The following IDH3B variants were observed in gnomAD, a reference collection of about 807,000 sequenced individuals.
The protein encoded by IDH3B is isocitrate dehydrogenase (NAD(+)) 3 non-catalytic subunit beta.
A neutral mutation model predicts 47.5 loss-of-function variants in IDH3B; 40 were observed. The ratio of observed to expected loss-of-function variants is 0.84; its 90% CI spans 0.65 to 1.10. IDH3B has a LOEUF of 1.10. Ranked by LOEUF, IDH3B falls within the 50% of genes least tolerant of loss-of-function variation. The probability of loss-of-function intolerance (pLI) is 0.00; values close to 1 mark genes in which losing one functional copy is unlikely to be tolerated. For missense variants in IDH3B, 450 were observed against 505.2 expected, an observed-to-expected ratio of 0.89 and a Z score of 1.05; for synonymous variants, 185 against 191.0, an observed-to-expected ratio of 0.97 and a Z score of 0.26.
At chr20:2,658,967 T>A in intron 11 of IDH3B, 130 bp from the exon 12 acceptor site, 1 of 1,407,860 alleles carries the variant, frequency 7.1e-7, no homozygotes, top group Non-Finnish European at 9.3e-7. Context: ...TGCACAGGAA[T>A]GGAAGGAGGA....
intron 11 of IDH3B, 148 bp downstream of exon 11, chr20:2,659,375 TGA>T: frequency 6.4e-7 from 1 of 1,572,280 alleles, no homozygotes; most frequent in South Asian, 1.1e-5. Flanking sequence ...AGAACAGCCC[TGA>T]GAGGGATGCA....
At chr20:2,663,601 G>A (rs759860011) in intron 3 of IDH3B, 35 bp from the exon 4 acceptor site, 6 of 1,614,136 alleles carry the variant, frequency 3.7e-6, no homozygotes, top group Middle Eastern at 1.6e-4. Flanking sequence ...TCACAGTCAA[G>A]GCCAAGTCCT....
Position 2,660,032 on chromosome 20 carries a change from TC to T in IDH3B, c.912del (p.Thr305ArgfsTer15). 6.2e-7 allele frequency: 1 copy of T among 1,613,992 alleles called. No individual in the cohort carries two copies. Among genetic ancestry groups the T allele is most frequent in the Non-Finnish European group, 8.5e-7 (1 of 1,179,976 alleles). Reference sequence around the variant, plus strand: ...GCCGAGGGAGAAAGCAGCCTCACCGTCTCAAAGACTGCGTATTCTGCACTAT... The same window carrying T: ...GCCGAGGGAGAAAGCAGCCTCACCGTTCAAAGACTGCGTATTCTGCACTAT... ...ESYSAEYAVF[E>X]TGARHPFAQA... On this transcript the variant is annotated frameshift_variant, in exon 9 of 12. Coordinates refer to ENST00000380843, the MANE Select transcript of IDH3B (RefSeq NM_006899.5). LOFTEE classifies it high-confidence loss of function. This position sits in a 1 kb window ranked among gnomAD's most constrained non-coding sequence, Gnocchi z 5.6.
rs1477669578 is a variant in IDH3B at position 2,659,577 on chromosome 20, T to TG, written c.1018_1019insC (p.Tyr340SerfsTer44). The stretch of plus-strand genomic sequence containing the variant: ...CGCATCTGCGATCATGCTGGAGTGA[T>TG]ACTCAAGACTGTGGATATGGACAGG... On this transcript the variant is annotated frameshift_variant, in exon 11 of 12. Transcript: ENST00000380843. LOFTEE classifies it high-confidence loss of function. 19 of 1,614,102 alleles carry TG rather than the reference T, an allele frequency of 1.2e-5. No homozygotes were observed. Among genetic ancestry groups the TG allele is most frequent in the Non-Finnish European group, 1.5e-5 (18 of 1,180,022 alleles).
At position 2,659,555 on chromosome 20, in the gene IDH3B, A is replaced by G; in HGVS notation, c.1041T>C (p.Asp347=). 1.2e-6 allele frequency: 2 copies of G among 1,614,242 alleles called. No homozygotes were observed. Among genetic ancestry groups the G allele is most frequent in the African/African-American group, 1.3e-5 (1 of 75,072 alleles). Residue 347 remains aspartate, a synonymous_variant, in exon 11 of 12, where the codon GAT becomes GAC. Transcript: ENST00000380843. ...CAACTTTGATCACCTTCTTCACCGC[A>G]TCTGCGATCATGCTGGAGTGATACT... ...NLEYHSSMIA[D]AVKKVIKVGK...
rs1421488337 is a variant in IDH3B at position 2,658,483 on chromosome 20, C to T, written c.*268G>A. 3 of 1,613,928 alleles carry T rather than the reference C, an allele frequency of 1.9e-6. No individual in the cohort carries two copies. Among genetic ancestry groups the T allele is most frequent in the Non-Finnish European group, 2.5e-6 (3 of 1,180,026 alleles). ...GCAGCAATGACAGCCTCAGTGAAGT[C>T]ATGGCAAGTAGCATAGCCACCCATG... On this transcript the variant is annotated 3_prime_UTR_variant, in exon 12 of 12. Transcript: ENST00000380843.
chr20:2,664,133 G>C lies in IDH3B; in HGVS notation c.36+20C>G, dbSNP rs377094446. 6.2e-7 allele frequency: 1 copy of C among 1,612,670 alleles called. No homozygotes were observed. The highest frequency in any genetic ancestry group is 1.1e-5 in the South Asian group (1 of 90,776). On this transcript the variant is annotated intron_variant, in intron 1 of 11. Coordinates refer to ENST00000380843, the MANE Select transcript of IDH3B (RefSeq NM_006899.5). ...TCCGCTCCTTCGCCCGCCCCTGCCC[G>C]ACATGTCCCGGGGCCTCACTCGGGT...
chr20:2,659,859 G>A, intron 9 of IDH3B, 66 bp from the exon 10 acceptor site: 1 of 1,460,686 alleles, frequency 6.8e-7, no homozygotes, highest in Non-Finnish European at 9.6e-7. Flanking sequence ...GCTTAGGTTG[G>A]AAAAGGACAT....
In IDH3B at chr20:2,660,267, A is replaced by G; in HGVS notation, c.764T>C (p.Met255Thr). 6.2e-7 allele frequency: 1 copy of G among 1,614,084 alleles called. No homozygotes were observed. Among genetic ancestry groups the G allele is most frequent in the Non-Finnish European group, 8.5e-7 (1 of 1,179,968 alleles). Reference protein sequence around the residue: ...FETMIIDNCCMQLVQNPYQFD... With the variant: ...FETMIIDNCCTQLVQNPYQFD... ...AGAGATGTGGGGAGGCCTCACCTGCATGCAGCAGTTGTCTATGATCATTGT... is the reference window on the plus strand; with the variant it reads ...AGAGATGTGGGGAGGCCTCACCTGCGTGCAGCAGTTGTCTATGATCATTGT... The change falls in exon 8 of 12, where the codon ATG (methionine) becomes ACG (threonine). Residue 255 changes from methionine (M) to threonine (T), a missense_variant. Coordinates refer to ENST00000380843, the MANE Select transcript of IDH3B (RefSeq NM_006899.5). The surrounding 1 kb of genome is among the most constrained non-coding windows in gnomAD (Gnocchi z 5.6).
At chr20:2,664,053 G>A (rs540116039) in intron 1 of IDH3B, 48 bp from the exon 2 acceptor site, 63 of 1,611,436 alleles carry the variant, frequency 3.9e-5, no homozygotes, top group South Asian at 2.0e-4. Context: ...GAGACATCCA[G>A]ACCCCGAACA....
rs768100898 is a variant in IDH3B, at chr20:2,658,510, CAG to C, written c.*239_*240del. 8 of 1,613,908 alleles carry C rather than the reference CAG, an allele frequency of 5.0e-6. No homozygotes were observed. In the African/African-American group the frequency reaches 5.3e-5, roughly 11 times the overall value. On this transcript the variant is annotated 3_prime_UTR_variant, in exon 12 of 12. Transcript: ENST00000380843. Reference sequence around the variant, plus strand: ...TGGCAAGTAGCATAGCCACCCATGTCAGAGGTTCGAACCTGTGGGGGAGAATC... The same window carrying C: ...TGGCAAGTAGCATAGCCACCCATGTCAGGTTCGAACCTGTGGGGGAGAATC...
In IDH3B at chr20:2,663,778, GA is replaced by G; in HGVS notation, c.118-21del. ...CTCGGCCTCAATTGGGGGAAGAGGGGAGAAGTAAAGATAGAGCTGGGGCGGG... is the reference window on the plus strand; with the variant it reads ...CTCGGCCTCAATTGGGGGAAGAGGGGGAAGTAAAGATAGAGCTGGGGCGGG... On this transcript the variant is annotated intron_variant, in intron 2 of 11. Transcript: ENST00000380843. 6.2e-7 allele frequency: 1 copy of G among 1,611,606 alleles called. No homozygotes were observed. The highest frequency in any genetic ancestry group is 1.1e-5 in the South Asian group (1 of 91,022).
rs201237064 is a variant in IDH3B, at chr20:2,660,045, G to A, written c.900C>T (p.Tyr300=). The part of the protein sequence containing the change: ...VVPGESYSAE[Y]AVFETGARHP... ...GCAGCCTCACCGTCTCAAAGACTGC[G>A]TATTCTGCACTATAGCTCTCACCAG... The change falls in exon 9 of 12, where the codon TAC becomes TAT. Residue 300 remains tyrosine, a synonymous_variant. Transcript: ENST00000380843. The surrounding 1 kb of genome is among the most constrained non-coding windows in gnomAD (Gnocchi z 5.6). 1.6e-4 allele frequency: 255 copies of A among 1,614,094 alleles called. No homozygotes were observed. Among genetic ancestry groups the A allele is most frequent in the Admixed American group, 2.3e-4 (14 of 60,010 alleles).
chr20:2,661,597 G>C (rs2086949160), intron 4 of IDH3B, among the ~76,000 whole-genome samples: 1 of 152,188 alleles, frequency 6.6e-6, no homozygotes, highest in Admixed American at 6.5e-5. Context: ...CTTTTTATCT[G>C]TGCCTTCTCC....
chr20:2,660,029 C>T lies in IDH3B; in HGVS notation c.915+1G>A. ...AGGGCCGAGGGAGAAAGCAGCCTCACCGTCTCAAAGACTGCGTATTCTGCA... is the reference window on the plus strand; with the variant it reads ...AGGGCCGAGGGAGAAAGCAGCCTCATCGTCTCAAAGACTGCGTATTCTGCA... On this transcript the variant is annotated splice_donor_variant, in intron 9 of 11. Transcript: ENST00000380843. LOFTEE classifies it high-confidence loss of function. This position sits in a 1 kb window ranked among gnomAD's most constrained non-coding sequence, Gnocchi z 5.6. 3 of 1,614,070 alleles carry T rather than the reference C, an allele frequency of 1.9e-6. No individual in the cohort carries two copies. Among genetic ancestry groups the T allele is most frequent in the Non-Finnish European group, 2.5e-6 (3 of 1,179,982 alleles).
In IDH3B at chr20:2,659,222, C is replaced by T. The variant is rs949952861; in HGVS notation, c.1071+303G>A. 3 of 1,429,840 alleles carry T rather than the reference C, an allele frequency of 2.1e-6. No homozygotes were observed. In the Admixed American group the frequency reaches 8.8e-5, roughly 42 times the overall value. 88.6% of individuals were successfully genotyped at this position (1,429,840 alleles called of 1,614,324 possible). Reference sequence around the variant, plus strand: ...CAGCCTGCCTGTATCCCTTGCTGTTCCACCCCCAAGGAGAGCTGCAAGTTC... The same window carrying T: ...CAGCCTGCCTGTATCCCTTGCTGTTTCACCCCCAAGGAGAGCTGCAAGTTC... On this transcript the variant is annotated intron_variant, in intron 11 of 11. Coordinates refer to ENST00000380843, the MANE Select transcript of IDH3B (RefSeq NM_006899.5).
In IDH3B at chr20:2,658,725, T is replaced by C; in HGVS notation, c.*26A>G. The C allele has an allele frequency of 1.9e-6, 3 of 1,614,084 alleles. No individual in the cohort carries two copies. The highest frequency in any genetic ancestry group is 2.5e-6 in the Non-Finnish European group (3 of 1,180,002). On this transcript the variant is annotated 3_prime_UTR_variant, in exon 12 of 12. Transcript: ENST00000380843. ...TGAAGGGTATGGGGAGTGTGGTCCT[T>C]GCAAGGTTGGAAGAAATAAAGGGCT...
intron 2 of IDH3B, 72 bp downstream of exon 2, chr20:2,663,853 G>T: frequency 1.3e-6 from 2 of 1,595,742 alleles, no homozygotes; most frequent in Non-Finnish European, 1.7e-6. Context: ...GAGGGGTGGG[G>T]AAAAGCCAGG....
chr20:2,660,410 G>C lies in IDH3B; in HGVS notation c.666-45C>G. On this transcript the variant is annotated intron_variant, in intron 7 of 11. Transcript: ENST00000380843. This position sits in a 1 kb window ranked among gnomAD's most constrained non-coding sequence, Gnocchi z 5.6. Reference sequence around the variant, plus strand: ...GACAGAATCAGCCAAGAAAGTACAGGGGCTACCTTCCCAGGAACCCATCCT... The same window carrying C: ...GACAGAATCAGCCAAGAAAGTACAGCGGCTACCTTCCCAGGAACCCATCCT... 6.2e-7 allele frequency: 1 copy of C among 1,613,982 alleles called. No homozygotes were observed. The highest frequency in any genetic ancestry group is 8.5e-7 in the Non-Finnish European group (1 of 1,179,990).
Sources: allele counts gnomAD v4.1 joint callset (sites outside exome capture counted in the v4.1 genomes callset), GRCh38; gene constraint gnomAD v4.1.1; non-coding constraint Gnocchi (gnomAD v3.1); transcripts MANE v1.5; gene names NCBI Gene and HGNC (gene_info 2026-07-23, HGNC 2026-07-21).